The following FCF1 variants were observed in gnomAD, a reference collection of about 807,000 sequenced individuals.
FCF1 encodes rRNA-processing protein FCF1 homolog.
Under a neutral mutation model 32.5 loss-of-function variants are expected in FCF1, and 17 were observed. The ratio of observed to expected loss-of-function variants is 0.52; its 90% confidence interval spans 0.36 to 0.78. The LOEUF (loss-of-function observed/expected upper bound fraction) is 0.78, where lower values mean the gene tolerates loss of function less well. Ranked by LOEUF, FCF1 falls within the 30% of genes least tolerant of loss-of-function variation. The pLI, the probability that FCF1 is intolerant of heterozygous loss-of-function variation, is 0.00. For synonymous variants in FCF1, 84 were observed against 78.4 expected (o/e 1.07, Z -0.38); for missense variants, 201 against 241.1 (o/e 0.83, Z 1.10).
rs764986336 is a variant in FCF1, at chr14:74,732,741, G to T, written c.376G>T (p.Asp126Tyr). The T allele has an allele frequency of 6.2e-7, 1 of 1,611,546 alleles. No individual in the cohort carries two copies. Among genetic ancestry groups the T allele is most frequent in the South Asian group, 1.1e-5 (1 of 90,972 alleles). ...TTAATCCACCTACAGGATTGCCAAG[G>T]ATCCAAGATTTGAACGATTACCATG... The part of the protein sequence containing the change: ...KYRVALRIAK[D>Y]PRFERLPCTH... The change falls in exon 6 of 8, where the codon GAT becomes TAT. Residue 126 changes from aspartate (D) to tyrosine (Y), a missense_variant. Coordinates refer to ENST00000341162, the MANE Select transcript of FCF1 (RefSeq NM_015962.5).
chr14:74,733,994 G>A (rs3825708), intron 6 of FCF1, 82 bp from the exon 7 acceptor site: 586,471 of 865,108 alleles, frequency 0.68, 200,411 homozygotes, highest in Admixed American at 0.77. Flanking sequence ...TTCTCAGACT[G>A]GTCAGTCGTT....
At chr14:74,718,800 G>A (rs2140022363) in intron 4 of FCF1, among the ~76,000 whole-genome samples, 1 of 152,012 alleles carries the variant, frequency 6.6e-6, no homozygotes, top group East Asian at 1.9e-4. Context: ...AAAAATTCTA[G>A]CATAAAAAAA....
rs777807521 is a variant in FCF1, at chr14:74,723,328, T to C, written c.349T>C (p.Tyr117His). ...TGAAATTGAGAAATTGGGGCAGAAGTATCGAGTGGCTCTAAGGTAGGAAGG... is the reference window on the plus strand; with the variant it reads ...TGAAATTGAGAAATTGGGGCAGAAGCATCGAGTGGCTCTAAGGTAGGAAGG... ...MAEIEKLGQK[Y>H]RVALRIAKDP... The change falls in exon 5 of 8, where the codon TAT becomes CAT. Residue 117 changes from tyrosine (Y) to histidine (H), a missense_variant. Physicochemically the swap from Tyr to His is moderately conservative, Grantham distance 83. Coordinates refer to ENST00000341162, the MANE Select transcript of FCF1 (RefSeq NM_015962.5). 3 of 1,613,314 alleles carry C rather than the reference T, an allele frequency of 1.9e-6. No individual in the cohort carries two copies. Among genetic ancestry groups the C allele is most frequent in the Non-Finnish European group, 2.5e-6 (3 of 1,179,368 alleles).
intron 5 of FCF1, 147 bp from the exon 6 acceptor site, chr14:74,732,584 C>T (rs994795529): frequency 1.6e-5 from 10 of 617,790 alleles, no homozygotes; most frequent in African/African-American, 5.6e-5. Context: ...TTCCCTGCCC[C>T]GTGAATTGTC....
At chr14:74,721,709 A>G (rs889491855) in intron 4 of FCF1, among the ~76,000 whole-genome samples, 3 of 152,196 alleles carry the variant, frequency 2.0e-5, no homozygotes, top group Non-Finnish European at 4.4e-5. Context: ...ATAAAGTTAC[A>G]TACTATAATT....
chr14:74,733,978 G>A (rs892870018), intron 6 of FCF1, 98 bp from the exon 7 acceptor site: 13 of 778,856 alleles, frequency 1.7e-5, no homozygotes, highest in Non-Finnish European at 2.5e-5. Flanking sequence ...CTGTGAAAAT[G>A]AACGATTCTC....
intron 5 of FCF1, 45 bp from the exon 6 acceptor site, chr14:74,732,684 CAG>C (rs2090655087): frequency 2.3e-6 from 3 of 1,293,242 alleles, no homozygotes; most frequent in Admixed American, 1.7e-5. Context: ...AATTAAGACT[CAG>C]AAAGTTATCC....
chr14:74,733,860 A>G (rs940579252), intron 6 of FCF1, among the ~76,000 whole-genome samples: 1 of 152,194 alleles, frequency 6.6e-6, no homozygotes, highest in African/African-American at 2.4e-5. Flanking sequence ...AAGATTCTAA[A>G]TGCTGCATTC....
chr14:74,716,540 A>T (rs962153502), intron 4 of FCF1, among the ~76,000 whole-genome samples: 1 of 152,230 alleles, frequency 6.6e-6, no homozygotes, highest in Non-Finnish European at 1.5e-5. Flanking sequence ...ATGATGGTCA[A>T]TTCCTAAGTT....
At chr14:74,729,032 G>A (rs1393029284) in intron 5 of FCF1, among the ~76,000 whole-genome samples, 1 of 152,158 alleles carries the variant, frequency 6.6e-6, no homozygotes, top group Non-Finnish European at 1.5e-5. Flanking sequence ...TTTTGCATCA[G>A]TGTTCATCAA....
intron 5 of FCF1, among the ~76,000 whole-genome samples, chr14:74,729,872 T>C (rs2090611983): frequency 6.6e-6 from 1 of 152,222 alleles, no homozygotes; most frequent in Non-Finnish European, 1.5e-5. Flanking sequence ...CCAGTAGTCA[T>C]TCAGGAGCAG....
chr14:74,735,048 G>A lies in FCF1; in HGVS notation c.*118G>A. On this transcript the variant is annotated 3_prime_UTR_variant, in exon 8 of 8. Coordinates refer to ENST00000341162, the MANE Select transcript of FCF1 (RefSeq NM_015962.5). ...CAGAGAGACTGATGGAGTTCAGGGA[G>A]ATATTTATTATTTAGGTGCACCAGC... 1 of 701,224 alleles carries A rather than the reference G, an allele frequency of 1.4e-6. No homozygotes were observed. Among genetic ancestry groups the A allele is most frequent in the South Asian group, 1.5e-5 (1 of 66,984 alleles). The allele number at this position is 701,224 out of a possible 1,614,324, so 43.4% of individuals were successfully genotyped here.
chr14:74,728,135 G>A (rs146677828), intron 5 of FCF1, among the ~76,000 whole-genome samples: 2,975 of 152,224 alleles, frequency 0.02, 41 homozygotes, highest in Non-Finnish European at 0.03. Flanking sequence ...TTCCAATTAT[G>A]TGAAGAAAGT....
In FCF1 at chr14:74,732,731, G is replaced by A; in HGVS notation, c.366G>A (p.Arg122=). 6.2e-7 allele frequency: 1 copy of A among 1,607,590 alleles called. No individual in the cohort carries two copies. The highest frequency in any genetic ancestry group is 1.1e-5 in the South Asian group (1 of 90,808). ...AATGTTTTCTTTAATCCACCTACAGGATTGCCAAGGATCCAAGATTTGAAC... is the reference window on the plus strand; with the variant it reads ...AATGTTTTCTTTAATCCACCTACAGAATTGCCAAGGATCCAAGATTTGAAC... ...KLGQKYRVAL[R]IAKDPRFERL... The change falls in exon 6 of 8, where the codon AGG becomes AGA. Residue 122 remains arginine (R), a splice_region_variant and synonymous_variant. Transcript: ENST00000341162.
intron 5 of FCF1, among the ~76,000 whole-genome samples, chr14:74,727,557 T>G (rs1377578232): frequency 6.6e-6 from 1 of 151,446 alleles, no homozygotes; most frequent in Admixed American, 6.6e-5. Context: ...TTTTGTAGGT[T>G]GCCTGTTCAC....
chr14:74,731,879 G>A (rs959239953), intron 5 of FCF1, among the ~76,000 whole-genome samples: 5 of 152,126 alleles, frequency 3.3e-5, no homozygotes, highest in African/African-American at 7.2e-5. Flanking sequence ...AATAGAAAGA[G>A]CATGGCTCTC....
intron 5 of FCF1, among the ~76,000 whole-genome samples, chr14:74,730,845 C>A (rs1026479058): frequency 6.6e-6 from 1 of 151,900 alleles, no homozygotes; most frequent in Non-Finnish European, 1.5e-5. Flanking sequence ...CCTAAAAATA[C>A]AAAATTAGCT....
At chr14:74,734,733 A>G (rs972719314) in intron 7 of FCF1, 149 bp from the exon 8 acceptor site, 22 of 674,960 alleles carry the variant, frequency 3.3e-5, no homozygotes, top group Non-Finnish European at 5.1e-5. Flanking sequence ...TTTGCTGTAA[A>G]TCATTCATTA....
intron 5 of FCF1, among the ~76,000 whole-genome samples, chr14:74,726,938 A>C (rs1472882381): frequency 6.6e-6 from 1 of 152,086 alleles, no homozygotes; most frequent in Admixed American, 6.6e-5. Flanking sequence ...ACGTGAACTC[A>C]TCATTTTTTA....
Sources: allele counts gnomAD v4.1 joint callset (sites outside exome capture counted in the v4.1 genomes callset), GRCh38; gene constraint gnomAD v4.1.1; transcripts MANE v1.5; gene names NCBI Gene and HGNC (gene_info 2026-07-23, HGNC 2026-07-21).